Variants in SPIRE1 observed in about 807,000 individuals in gnomAD.
SPIRE1 encodes the protein spire type actin nucleation factor 1, also known as protein spire homolog 1.
A neutral mutation model predicts 94.1 loss-of-function variants in SPIRE1; 40 were observed. That is an observed-to-expected ratio of 0.43 (90% CI 0.33 to 0.55). The LOEUF (loss-of-function observed/expected upper bound fraction) is 0.55, where lower values mean the gene tolerates loss of function less well. SPIRE1 is among the 20% of genes least tolerant of loss of function. The pLI is 0.06. For missense variants in SPIRE1, 838 were observed against 975.2 expected (o/e 0.86, Z 1.87); for synonymous variants, 376 against 371.7 (o/e 1.01, Z -0.13).
chr18:12,644,585 T>C (rs897907329), intron 1 of SPIRE1, among the ~76,000 whole-genome samples: 1 of 152,200 alleles, frequency 6.6e-6, no homozygotes, highest in Non-Finnish European at 1.5e-5. Context: ...AAGCACTAAT[T>C]ACCTTTCCCT....
chr18:12,586,406 A>T (rs762927740), intron 2 of SPIRE1, among the ~76,000 whole-genome samples: 2 of 152,234 alleles, frequency 1.3e-5, no homozygotes, highest in East Asian at 1.9e-4. Context: ...TTTTGCCCAT[A>T]AAACAATGGT....
intron 2 of SPIRE1, among the ~76,000 whole-genome samples, chr18:12,599,579 C>CA (rs1056859918): frequency 1.3e-4 from 20 of 152,146 alleles, no homozygotes; most frequent in Non-Finnish European, 5.9e-5. Context: ...CTCCTTTAAT[C>CA]AAAAACAGTT....
In SPIRE1 at chr18:12,496,084, G is replaced by C. The variant is rs776618837; in HGVS notation, c.991C>G (p.Pro331Ala). The change falls in exon 7 of 17, where the codon CCT becomes GCT. Residue 331 changes from proline (P) to alanine (A), a missense_variant. Pro to Ala is a conservative substitution (Grantham distance 27). Transcript: ENST00000409402. Reference protein sequence around the residue: ...RKVMVNGDIPPRLKKSAHEII... With the variant: ...RKVMVNGDIPARLKKSAHEII... ...TCATGAGCACTCTTTTTTAACCGAG[G>C]GGGAATATCACCATTCACCTAAAAG... 3 of 1,613,092 alleles carry C rather than the reference G, an allele frequency of 1.9e-6. No individual in the cohort carries two copies. Among genetic ancestry groups the C allele is most frequent in the South Asian group, 1.1e-5 (1 of 91,066 alleles).
At chr18:12,506,349 G>T in intron 6 of SPIRE1, 128 bp downstream of exon 6, 1 of 777,246 alleles carries the variant, frequency 1.3e-6, no homozygotes, top group Non-Finnish European at 2.2e-6. Context: ...GGTACAGACA[G>T]GGATTCACCA....
At chr18:12,457,102 A>T (rs2031540850) in intron 12 of SPIRE1, among the ~76,000 whole-genome samples, 1 of 152,212 alleles carries the variant, frequency 6.6e-6, no homozygotes, top group African/African-American at 2.4e-5. Context: ...AAGTGCTGGG[A>T]TCACAGGCAT....
intron 1 of SPIRE1, among the ~76,000 whole-genome samples, chr18:12,655,956 T>C (rs529281269): frequency 6.4e-4 from 97 of 152,264 alleles, no homozygotes; most frequent in Non-Finnish European, 8.4e-4. Context: ...TGGAGTGCAG[T>C]GGCGCGATCT....
At chr18:12,540,323 C>T (rs1842804334) in intron 3 of SPIRE1, among the ~76,000 whole-genome samples, 1 of 152,172 alleles carries the variant, frequency 6.6e-6, no homozygotes, top group African/African-American at 2.4e-5. Flanking sequence ...GTCACCTGCT[C>T]AGAACGTCTT....
chr18:12,621,842 T>C (rs1324001293), intron 2 of SPIRE1, among the ~76,000 whole-genome samples: 4 of 152,094 alleles, frequency 2.6e-5, no homozygotes, highest in Non-Finnish European at 5.9e-5. Context: ...GTGAATTATA[T>C]CCTAAAAAAA....
chr18:12,656,622 T>C (rs1441627081), intron 1 of SPIRE1: 3 of 699,166 alleles, frequency 4.3e-6, no homozygotes, highest in African/African-American at 3.9e-5. Context: ...TGAGGGTAGA[T>C]TGTTTTTCTA....
chr18:12,651,473 T>C (rs766605863), intron 1 of SPIRE1, among the ~76,000 whole-genome samples: 4 of 152,034 alleles, frequency 2.6e-5, no homozygotes, highest in Non-Finnish European at 5.9e-5. Flanking sequence ...TCAGGAGATG[T>C]AGACCATTCT....
intron 1 of SPIRE1, among the ~76,000 whole-genome samples, chr18:12,639,000 A>G (rs1245108969): frequency 6.6e-6 from 1 of 152,196 alleles, no homozygotes; most frequent in Non-Finnish European, 1.5e-5. Context: ...CAATGCAAGA[A>G]TGGACTAATA....
At chr18:12,572,526 C>T (rs1339032606) in intron 2 of SPIRE1, among the ~76,000 whole-genome samples, 2 of 152,026 alleles carry the variant, frequency 1.3e-5, no homozygotes, top group African/African-American at 2.4e-5. Flanking sequence ...GCAAGAGGAT[C>T]GCTTGAGCCC....
chr18:12,583,207 A>G (rs2036303246), intron 2 of SPIRE1, among the ~76,000 whole-genome samples: 1 of 152,208 alleles, frequency 6.6e-6, no homozygotes, highest in African/African-American at 2.4e-5. Context: ...CAGGTGACTC[A>G]CACCTGTAAT....
chr18:12,660,407 C>T (rs2038673037), upstream of SPIRE1, among the ~76,000 whole-genome samples: 1 of 151,718 alleles, frequency 6.6e-6, no homozygotes, highest in African/African-American at 2.4e-5. Context: ...CTGCAACTTC[C>T]GCCTCCTGGG....
intron 5 of SPIRE1, among the ~76,000 whole-genome samples, chr18:12,511,339 G>A (rs376763831): frequency 8.5e-5 from 13 of 152,150 alleles, no homozygotes; most frequent in Non-Finnish European, 1.3e-4. Context: ...GATCAGCAGC[G>A]GCATTAGATT....
chr18:12,485,134 T>C (rs2032990014), intron 9 of SPIRE1, among the ~76,000 whole-genome samples: 1 of 147,000 alleles, frequency 6.8e-6, no homozygotes, highest in African/African-American at 2.5e-5. Flanking sequence ...AGACTGAGTC[T>C]CGCTCTGTTG....
chr18:12,505,464 A>G (rs554501268), intron 6 of SPIRE1, among the ~76,000 whole-genome samples: 10 of 151,968 alleles, frequency 6.6e-5, no homozygotes, highest in African/African-American at 2.4e-4. Context: ...AGGTGGGAGG[A>G]TCACTGGAAC....
At chr18:12,556,734 T>C (rs929184864) in intron 2 of SPIRE1, among the ~76,000 whole-genome samples, 1 of 151,770 alleles carries the variant, frequency 6.6e-6, no homozygotes, top group African/African-American at 2.4e-5. Context: ...GCTTCAGGAG[T>C]GAAGCTGCAG....
In SPIRE1 at chr18:12,543,075, G is replaced by A. The variant is rs907917788; in HGVS notation, c.603+3599C>T. Among the ~76,000 whole-genome samples, 23 of 152,208 alleles carry A rather than the reference G, an allele frequency of 1.5e-4. No individual in the cohort carries two copies. The South Asian group carries it at 2.9e-3, about 19-fold the overall frequency. ...ACTCCTGACCTCAAATGATCCGCCCGTCTCGGCCTCCCAAAGTGCTGGGAT... is the reference window on the plus strand; with the variant it reads ...ACTCCTGACCTCAAATGATCCGCCCATCTCGGCCTCCCAAAGTGCTGGGAT... On this transcript the variant is annotated intron_variant, in intron 3 of 16. Coordinates refer to ENST00000409402, the MANE Select transcript of SPIRE1 (RefSeq NM_001128626.2).
Sources: gnomAD v4.1 joint callset for allele counts (sites outside exome capture counted in the v4.1 genomes callset) on GRCh38, gnomAD v4.1.1 for gene constraint, MANE v1.5 for transcripts, NCBI Gene and HGNC (gene_info 2026-07-23, HGNC 2026-07-21) for gene names.